RBFOX1: variants seen among roughly 807,000 people sequenced by gnomAD.
The protein encoded by RBFOX1 is RNA binding protein fox-1 homolog 1.
RBFOX1 carries 8 observed loss-of-function variants against 57.7 expected under a neutral mutation model. The observed-to-expected ratio is 0.14, with a 90% CI of 0.08 to 0.25. RBFOX1 has a LOEUF of 0.25. RBFOX1 is among the 10% of genes least tolerant of loss of function. The pLI, the probability that RBFOX1 is intolerant of heterozygous loss-of-function variation, is 1.00. For missense variants in RBFOX1, 611 were observed against 548.5 expected, an observed-to-expected ratio of 1.11 and a Z score of -1.14; for synonymous variants, 326 against 222.4, an observed-to-expected ratio of 1.47 and a Z score of -4.15.
intron 2 of RBFOX1, among the ~76,000 whole-genome samples, chr16:6,463,571 C>G (rs1056979606): frequency 1.3e-5 from 2 of 152,000 alleles, no homozygotes; most frequent in Non-Finnish European, 2.9e-5. Flanking sequence ...CTGATGCAAG[C>G]AAGAAGGAAG....
At position 5,558,300 on chromosome 16, in the gene RBFOX1, A is replaced by C. The variant is rs145389518; in HGVS notation, c.259-40602A>C. Among the ~76,000 whole-genome samples the C allele has an allele frequency of 1.1e-3, 170 of 152,256 alleles. 1 individual carries two copies. The highest frequency in any genetic ancestry group is 0.01 in the Middle Eastern group (3 of 294). On this transcript the variant is annotated intron_variant, in intron 2 of 2. Transcript: ENST00000585867. ...AAAGAGCACACTGTAACACACGCCTACTGGGCTTTGGGAGTTCTTAGACAC... is the reference window on the plus strand; with the variant it reads ...AAAGAGCACACTGTAACACACGCCTCCTGGGCTTTGGGAGTTCTTAGACAC...
chr16:6,959,811 C>T (rs2082592777), intron 3 of RBFOX1, among the ~76,000 whole-genome samples: 1 of 152,090 alleles, frequency 6.6e-6, no homozygotes, highest in South Asian at 2.1e-4. Context: ...TTGGCAGGCA[C>T]CTGTAATTCC....
At chr16:7,587,081 G>C (rs1432791216) in intron 6 of RBFOX1, among the ~76,000 whole-genome samples, 166 bp from the exon 7 acceptor site, 1 of 152,134 alleles carries the variant, frequency 6.6e-6, no homozygotes, top group Non-Finnish European at 1.5e-5. Context: ...GAAAATATGG[G>C]TGGTTTTATT....
intron 3 of RBFOX1, among the ~76,000 whole-genome samples, chr16:5,628,326 C>A (rs1284888468): frequency 1.3e-5 from 2 of 152,132 alleles, no homozygotes; most frequent in South Asian, 2.1e-4. Context: ...AATTCTTTTT[C>A]TTTTTCTTTT....
chr16:5,710,219 C>T (rs56409624), intron 3 of RBFOX1, among the ~76,000 whole-genome samples: 11 of 152,180 alleles, frequency 7.2e-5, no homozygotes, highest in Non-Finnish European at 1.0e-4. Context: ...TGTCACTTTG[C>T]AGATGTTGAA....
At chr16:5,268,915 C>G (rs2062930784) in intron 1 of RBFOX1, among the ~76,000 whole-genome samples, 1 of 130,468 alleles carries the variant, frequency 7.7e-6, no homozygotes, top group Non-Finnish European at 1.7e-5. Context: ...GTTATTTTCT[C>G]TATTTTTTTT....
intron 10 of RBFOX1, among the ~76,000 whole-genome samples, chr16:7,617,330 G>C (rs11077206): frequency 0.55 from 83,798 of 152,006 alleles, 24,722 homozygotes; most frequent in East Asian, 0.83. Flanking sequence ...TAAGGACGTG[G>C]AAATTTAGAT....
chr16:5,817,072 C>A (rs73512592), intron 3 of RBFOX1, among the ~76,000 whole-genome samples: 3 of 152,200 alleles, frequency 2.0e-5, no homozygotes, highest in Non-Finnish European at 4.4e-5. Context: ...TCAGACATAT[C>A]CCATTTTGGG....
intron 2 of RBFOX1, among the ~76,000 whole-genome samples, chr16:5,512,389 CTCT>C (rs1350733929): frequency 1.3e-5 from 2 of 151,502 alleles, no homozygotes; most frequent in African/African-American, 4.9e-5. Context: ...CTTCCTTCCT[CTCT>C]TCTTCTTCCT....
At chr16:6,219,285 AC>A (rs2097356269) in intron 1 of RBFOX1, among the ~76,000 whole-genome samples, 1 of 152,070 alleles carries the variant, frequency 6.6e-6, no homozygotes, top group African/African-American at 2.4e-5. Flanking sequence ...CCTGGGCAAC[AC>A]TGGGAGACTG....
intron 2 of RBFOX1, among the ~76,000 whole-genome samples, chr16:6,641,946 C>G (rs529166649): frequency 6.6e-6 from 1 of 152,100 alleles, no homozygotes; most frequent in South Asian, 2.1e-4. Context: ...TTTTTCCATT[C>G]TTTTGACTGC....
chr16:5,249,795 C>T (rs2062400239), intron 1 of RBFOX1, among the ~76,000 whole-genome samples: 1 of 152,166 alleles, frequency 6.6e-6, no homozygotes, highest in Non-Finnish European at 1.5e-5. Context: ...CCTGTCTCTA[C>T]AAAAAATACA....
At chr16:6,966,897 A>G (rs1392914163) in intron 3 of RBFOX1, among the ~76,000 whole-genome samples, 1,193 of 12,640 alleles carry the variant, frequency 0.094, 23 homozygotes, top group African/African-American at 0.27. Context: ...TCATCTCTCC[A>G]TCCATCCATC....
chr16:6,661,591 A>C (rs1168986833), intron 3 of RBFOX1, among the ~76,000 whole-genome samples: 1 of 152,222 alleles, frequency 6.6e-6, no homozygotes, highest in Non-Finnish European at 1.5e-5. Context: ...GAACCCAGCC[A>C]AAGTGAAAGT....
chr16:6,168,741 G>T (rs545147723), intron 1 of RBFOX1, among the ~76,000 whole-genome samples: 5 of 152,114 alleles, frequency 3.3e-5, no homozygotes, highest in Admixed American at 6.5e-5. Flanking sequence ...ATATTGGAAG[G>T]AGTTGTGTTT....
At position 7,007,018 on chromosome 16, in the gene RBFOX1, C is replaced by T. The variant is rs187485023; in HGVS notation, c.-15-45039C>T. On this transcript the variant is annotated intron_variant, in intron 3 of 15. Coordinates refer to ENST00000550418, the MANE Select transcript of RBFOX1 (RefSeq NM_018723.4). The stretch of plus-strand genomic sequence containing the variant: ...GAAATAACAAATACATATGATCTCA[C>T]GGTTCTATAGGTGAGAAATCTAGTT... 5.3e-4 allele frequency among the ~76,000 whole-genome samples: 80 copies of T among 152,254 alleles called. 1 individual carries two copies. The highest frequency in any genetic ancestry group is 1.7e-3 in the African/African-American group (70 of 41,536).
intron 3 of RBFOX1, among the ~76,000 whole-genome samples, chr16:6,866,338 C>T (rs770223265): frequency 5.9e-5 from 9 of 151,800 alleles, no homozygotes; most frequent in Admixed American, 2.6e-4. Flanking sequence ...AAATAGATCA[C>T]TTCTTACAGT....
intron 1 of RBFOX1, among the ~76,000 whole-genome samples, chr16:5,340,099 C>T (rs1352938563): frequency 2.0e-5 from 3 of 152,128 alleles, no homozygotes; most frequent in African/African-American, 4.8e-5. Context: ...ATAATTCATC[C>T]ATTTCTTTTT....
intron 3 of RBFOX1, among the ~76,000 whole-genome samples, chr16:6,728,130 T>A (rs1263842502): frequency 6.6e-6 from 1 of 152,240 alleles, no homozygotes; most frequent in East Asian, 1.9e-4. Flanking sequence ...ATCATTAGTT[T>A]TGACTTTTGT....
Sources: allele counts gnomAD v4.1 joint callset (sites outside exome capture counted in the v4.1 genomes callset), GRCh38; gene constraint gnomAD v4.1.1; transcripts MANE v1.5; gene names NCBI Gene and HGNC (gene_info 2026-07-23, HGNC 2026-07-21).